DHRSX: variants seen among roughly 807,000 people sequenced by gnomAD.
DHRSX encodes dehydrogenase/reductase X-linked.
In DHRSX, 31 loss-of-function variants were observed where a neutral mutation model predicts 34.0. The observed-to-expected ratio is 0.91, with a 90% confidence interval of 0.69 to 1.23. The LOEUF (loss-of-function observed/expected upper bound fraction) is 1.23, where lower values mean the gene tolerates loss of function less well. DHRSX is among the 50% of genes most tolerant of loss of function. DHRSX has a pLI of 0.00. For missense variants in DHRSX, 414 were observed against 428.1 expected, an observed-to-expected ratio of 0.97 and a Z score of 0.29; for synonymous variants, 201 against 183.8, an observed-to-expected ratio of 1.09 and a Z score of -0.76.
chrX:2,410,801 T>C (rs2043617696), intron 2 of DHRSX, among the ~76,000 whole-genome samples: 1 of 152,174 alleles, frequency 6.6e-6, no homozygotes, highest in Non-Finnish European at 1.5e-5. Context: ...ACGGCTAAGA[T>C]AAATAGTGCA....
chrX:2,479,490 AC>A (rs2044736164), intron 1 of DHRSX, among the ~76,000 whole-genome samples: 1 of 150,926 alleles, frequency 6.6e-6, no homozygotes, highest in South Asian at 2.1e-4. Context: ...CTACGGGACC[AC>A]CGTGTACGCA....
chrX:2,230,001 A>G (rs911298552), intron 6 of DHRSX, among the ~76,000 whole-genome samples: 4 of 152,190 alleles, frequency 2.6e-5, no homozygotes, highest in Non-Finnish European at 4.4e-5. Context: ...GTGTTTGCTC[A>G]TGCATATGTG....
chrX:2,311,830 G>T (rs2042168882), intron 3 of DHRSX, among the ~76,000 whole-genome samples: 1 of 152,162 alleles, frequency 6.6e-6, no homozygotes, highest in Admixed American at 6.6e-5. Flanking sequence ...GGTTGCTAAT[G>T]AGCGTCGATT....
At chrX:2,240,950 C>G (rs758315752) in intron 6 of DHRSX, among the ~76,000 whole-genome samples, 6 of 152,084 alleles carry the variant, frequency 3.9e-5, no homozygotes, top group African/African-American at 1.4e-4. Flanking sequence ...GAGACCGAGG[C>G]GGGCAGATTA....
At chrX:2,464,827 A>G (rs1207120537) in intron 1 of DHRSX, among the ~76,000 whole-genome samples, 2 of 151,646 alleles carry the variant, frequency 1.3e-5, no homozygotes, top group Non-Finnish European at 2.9e-5. Flanking sequence ...GTAACAATGC[A>G]GCCAAGGAAC....
At chrX:2,494,715 C>T (rs1159222892) in intron 1 of DHRSX, among the ~76,000 whole-genome samples, 1 of 151,752 alleles carries the variant, frequency 6.6e-6, no homozygotes, top group East Asian at 1.9e-4. Flanking sequence ...CTTATTATTA[C>T]TATTTGGCTG....
chrX:2,267,045 G>C (rs1408950633), intron 4 of DHRSX, 98 bp from the exon 5 acceptor site: 55 of 1,247,962 alleles, frequency 4.4e-5, no homozygotes, highest in Non-Finnish European at 6.1e-5. Flanking sequence ...CCAGGACATC[G>C]GAGGGTGGGG....
chrX:2,345,371 A>G (rs112204775), intron 3 of DHRSX, among the ~76,000 whole-genome samples: 15,332 of 151,574 alleles, frequency 0.1, 2,343 homozygotes, highest in African/African-American at 0.34. Context: ...GGCTGGGTGC[A>G]GTGGCTCACA....
chrX:2,299,909 T>G (rs2124503133), intron 3 of DHRSX, among the ~76,000 whole-genome samples: 1 of 151,202 alleles, frequency 6.6e-6, no homozygotes, highest in South Asian at 2.1e-4. Flanking sequence ...TCTAAAGGGG[T>G]TTCCTGAGGG....
chrX:2,265,758 G>A (rs1164856220), intron 5 of DHRSX, among the ~76,000 whole-genome samples: 7 of 141,994 alleles, frequency 4.9e-5, no homozygotes, highest in African/African-American at 1.9e-4. Flanking sequence ...GAGCACCAGT[G>A]CTTGGCAGAC....
intron 4 of DHRSX, among the ~76,000 whole-genome samples, chrX:2,269,699 G>A (rs1275878073): frequency 6.6e-6 from 1 of 152,024 alleles, no homozygotes; most frequent in African/African-American, 2.4e-5. Flanking sequence ...ACCACACGTG[G>A]CTAAATTTTT....
At chrX:2,284,163 C>A (rs1162204546) in intron 4 of DHRSX, among the ~76,000 whole-genome samples, 1 of 149,830 alleles carries the variant, frequency 6.7e-6, no homozygotes. Context: ...CCTTTGAATT[C>A]ATTCCTTTGA....
At chrX:2,483,366 T>C (rs1190323597) in intron 1 of DHRSX, among the ~76,000 whole-genome samples, 1 of 152,106 alleles carries the variant, frequency 6.6e-6, no homozygotes, top group Non-Finnish European at 1.5e-5. Context: ...CAAGCTCAAG[T>C]GATCCTCCCA....
At chrX:2,289,149 GCT>G (rs1356519589) in intron 4 of DHRSX, among the ~76,000 whole-genome samples, 1 of 148,478 alleles carries the variant, frequency 6.7e-6, no homozygotes, top group Non-Finnish European at 1.5e-5. Flanking sequence ...AAACAGTCTT[GCT>G]CTGTTGCTCA....
intron 3 of DHRSX, among the ~76,000 whole-genome samples, chrX:2,322,662 G>A (rs763885265): frequency 1.3e-4 from 17 of 134,132 alleles, no homozygotes; most frequent in African/African-American, 2.3e-4. Flanking sequence ...GATTACAGGC[G>A]TGCGCCACCA....
chrX:2,446,294 G>A (rs1421852185), intron 1 of DHRSX, among the ~76,000 whole-genome samples: 3 of 151,396 alleles, frequency 2.0e-5, no homozygotes, highest in Admixed American at 2.0e-4. Flanking sequence ...ATGTGGACAG[G>A]GGACTGCCGC....
At chrX:2,415,775 C>A (rs1275990471) in intron 2 of DHRSX, among the ~76,000 whole-genome samples, 1 of 151,568 alleles carries the variant, frequency 6.6e-6, no homozygotes, top group Non-Finnish European at 1.5e-5. Flanking sequence ...TCATGACCAA[C>A]CAACTAGATC....
At position 2,424,043 on chromosome X, in the gene DHRSX, A is replaced by G. The variant is rs141412150; in HGVS notation, c.217+1154T>C. On this transcript the variant is annotated intron_variant, in intron 2 of 6. Transcript: ENST00000334651. ...CCTCAGAATGTGACTGTGTTTGGAAATAAGGTCTTTAAAGTGGTGATTAAG... is the reference window on the plus strand; with the variant it reads ...CCTCAGAATGTGACTGTGTTTGGAAGTAAGGTCTTTAAAGTGGTGATTAAG... Among the ~76,000 whole-genome samples the G allele has an allele frequency of 2.1e-3, 322 of 152,308 alleles. 8 individuals carry two copies. The East Asian group carries it at 0.052, about 25-fold the overall frequency.
chrX:2,466,229 G>A lies in DHRSX; in HGVS notation c.109+34588C>T, dbSNP rs1323838707. 6.6e-5 allele frequency among the ~76,000 whole-genome samples: 10 copies of A among 152,134 alleles called. No homozygotes were observed. The East Asian group carries it at 1.2e-3, about 18-fold the overall frequency. On this transcript the variant is annotated intron_variant, in intron 1 of 6. Coordinates refer to ENST00000334651, the MANE Select transcript of DHRSX (RefSeq NM_145177.3). ...CGAGGCAGGCAGATTACCTGAGGTC[G>A]GTAGCTCAAGACCAGACTGGCCAAC...
Sources: gnomAD v4.1 joint callset for allele counts (sites outside exome capture counted in the v4.1 genomes callset) on GRCh38, gnomAD v4.1.1 for gene constraint, MANE v1.5 for transcripts, NCBI Gene and HGNC (gene_info 2026-07-23, HGNC 2026-07-21) for gene names.